Variants in ULK4 observed in about 807,000 individuals in gnomAD.
ULK4 encodes unc-51 like kinase 4.
Under a neutral mutation model 160.6 loss-of-function variants are expected in ULK4, and 133 were observed. That is an observed-to-expected ratio of 0.83 (90% CI 0.72 to 0.96). ULK4 has a LOEUF of 0.96. Ranked by LOEUF, ULK4 falls within the 40% of genes least tolerant of loss-of-function variation. The pLI is 0.00. For synonymous variants in ULK4, 534 were observed against 539.8 expected (o/e 0.99, Z 0.15); for missense variants, 1,580 against 1,499.5 (o/e 1.05, Z -0.89).
chr3:41,690,281 G>T (rs974686316), intron 27 of ULK4, among the ~76,000 whole-genome samples: 2 of 151,380 alleles, frequency 1.3e-5, no homozygotes, highest in Non-Finnish European at 3.0e-5. Flanking sequence ...TCACACTCCG[G>T]GGACTGTTGT....
Position 41,896,824 on chromosome 3 carries a change from G to T in ULK4, c.1528C>A (p.Leu510Met). ...EVATRLLHSP[L>M]FQLLIQHLRI... ...TAAGGCATGTCACACAGGCTTACCAGGGGGGAATGGAGGAGCCTGGTGGCC... is the reference window on the plus strand; with the variant it reads ...TAAGGCATGTCACACAGGCTTACCATGGGGGAATGGAGGAGCCTGGTGGCC... The change falls in exon 15 of 37, where the codon CTG (leucine) becomes ATG (methionine). Residue 510 changes from leucine (L) to methionine (M), a missense_variant and splice_region_variant. Transcript: ENST00000301831. 6.2e-7 allele frequency: 1 copy of T among 1,610,404 alleles called. No homozygotes were observed. Among genetic ancestry groups the T allele is most frequent in the Non-Finnish European group, 8.5e-7 (1 of 1,178,760 alleles).
chr3:41,508,870 A>G (rs1300623353), intron 32 of ULK4, among the ~76,000 whole-genome samples: 2 of 152,134 alleles, frequency 1.3e-5, no homozygotes, highest in Non-Finnish European at 2.9e-5. Flanking sequence ...TACCCGAATG[A>G]GAAGGAACCA....
chr3:41,355,556 T>C (rs906919775), intron 35 of ULK4, among the ~76,000 whole-genome samples: 3 of 152,294 alleles, frequency 2.0e-5, no homozygotes, highest in Middle Eastern at 6.8e-3. Context: ...AAGACTGTTG[T>C]TTGAAAAAAT....
chr3:41,737,924 C>G (rs1157035138), intron 22 of ULK4, among the ~76,000 whole-genome samples: 2 of 151,910 alleles, frequency 1.3e-5, no homozygotes, highest in African/African-American at 4.9e-5. Context: ...TAGCAACTAG[C>G]AGAATCCATA....
intron 35 of ULK4, among the ~76,000 whole-genome samples, chr3:41,333,392 T>C (rs1050790678): frequency 1.3e-5 from 2 of 152,196 alleles, no homozygotes; most frequent in African/African-American, 2.4e-5. Flanking sequence ...ATACTGTAAA[T>C]TGCTGAAAAA....
rs2078649666 is a variant in ULK4 at position 41,246,633 on chromosome 3, A to G, written c.*296T>C. 2 of 336,848 alleles carry G rather than the reference A, an allele frequency of 5.9e-6. No homozygotes were observed. Among genetic ancestry groups the G allele is most frequent in the Admixed American group, 8.3e-5 (2 of 24,028 alleles). 20.9% of individuals were successfully genotyped at this position (336,848 alleles called of 1,614,324 possible). On this transcript the variant is annotated 3_prime_UTR_variant, in exon 37 of 37. Transcript: ENST00000301831. ...CATCCACTGCTTTATTACCACAGGC[A>G]GTGCTAACCTTAGCCCACCTGGCCC...
intron 34 of ULK4, among the ~76,000 whole-genome samples, chr3:41,412,551 GA>G: frequency 1.8e-5 from 2 of 109,644 alleles, no homozygotes; most frequent in Non-Finnish European, 3.8e-5. Context: ...CAATGCAGTT[GA>G]ATTTTTTTTT....
At chr3:41,735,851 C>T (rs1220151523) in intron 22 of ULK4, among the ~76,000 whole-genome samples, 3 of 106,948 alleles carry the variant, frequency 2.8e-5, no homozygotes, top group Admixed American at 1.2e-4. Context: ...CTCCCCCCAC[C>T]CCACAACAGT....
At chr3:41,911,282 T>A in intron 11 of ULK4, 35 bp downstream of exon 11, 1 of 1,602,922 alleles carries the variant, frequency 6.2e-7, no homozygotes, top group Non-Finnish European at 8.5e-7. Flanking sequence ...TTAACTTTTG[T>A]CTTGCACTGA....
Position 41,648,144 on chromosome 3 carries a change from C to G in ULK4, c.3071+15463G>C, listed in dbSNP as rs551364464. On this transcript the variant is annotated intron_variant, in intron 30 of 36. Transcript: ENST00000301831. Reference sequence around the variant, plus strand: ...AGAGGGAACTCCCTGACCCCTTGCGCTTCCCGAGTGAGGCAATGCCTTGCC... The same window carrying G: ...AGAGGGAACTCCCTGACCCCTTGCGGTTCCCGAGTGAGGCAATGCCTTGCC... 2.0e-5 allele frequency among the ~76,000 whole-genome samples: 3 copies of G among 152,346 alleles called. No homozygotes were observed. The East Asian group carries it at 5.8e-4, about 29-fold the overall frequency.
At chr3:41,457,481 G>A (rs2083582100) in intron 33 of ULK4, among the ~76,000 whole-genome samples, 1 of 152,184 alleles carries the variant, frequency 6.6e-6, no homozygotes, top group Admixed American at 6.5e-5. Flanking sequence ...CAACAGAGAG[G>A]TGGCACAAAA....
At chr3:41,605,358 A>G (rs2032326649) in intron 31 of ULK4, among the ~76,000 whole-genome samples, 1 of 152,030 alleles carries the variant, frequency 6.6e-6, no homozygotes, top group Admixed American at 6.6e-5. Flanking sequence ...TCTATCTTCA[A>G]GAAAACAATT....
intron 30 of ULK4, among the ~76,000 whole-genome samples, chr3:41,624,073 TTC>T (rs1392946274): frequency 6.6e-6 from 1 of 152,212 alleles, no homozygotes; most frequent in East Asian, 1.9e-4. Flanking sequence ...CATTTATATT[TTC>T]TCTCTTTCCT....
At chr3:41,638,218 ATTTTC>A (rs1173354392) in intron 30 of ULK4, among the ~76,000 whole-genome samples, 1 of 152,082 alleles carries the variant, frequency 6.6e-6, no homozygotes, top group Non-Finnish European at 1.5e-5. Context: ...TCTTAATGAA[ATTTTC>A]TTTTATTATT....
chr3:41,846,520 T>G (rs1314182430), intron 17 of ULK4, among the ~76,000 whole-genome samples: 1 of 152,048 alleles, frequency 6.6e-6, no homozygotes, highest in African/African-American at 2.4e-5. Flanking sequence ...ATCCTAACAT[T>G]GAGGCCAGGC....
chr3:41,329,314 G>A (rs181851496), intron 35 of ULK4, among the ~76,000 whole-genome samples: 3 of 152,210 alleles, frequency 2.0e-5, no homozygotes, highest in East Asian at 1.9e-4. Context: ...CTCAATCTGG[G>A]GAGCAGTGAC....
At chr3:41,710,389 T>C (rs1266290129) in intron 25 of ULK4, among the ~76,000 whole-genome samples, 2 of 152,230 alleles carry the variant, frequency 1.3e-5, no homozygotes, top group East Asian at 3.9e-4. Flanking sequence ...TGATGTGAAT[T>C]TTAAGAGAGA....
intron 17 of ULK4, among the ~76,000 whole-genome samples, chr3:41,847,635 T>G (rs1240119465): frequency 6.6e-6 from 1 of 152,238 alleles, no homozygotes; most frequent in Admixed American, 6.5e-5. Flanking sequence ...CTTTGCCCTT[T>G]GTTCTAAGTG....
chr3:41,550,636 A>G (rs1411197455), intron 32 of ULK4, among the ~76,000 whole-genome samples: 2 of 152,058 alleles, frequency 1.3e-5, no homozygotes, highest in African/African-American at 4.8e-5. Context: ...ACCCAGGTAT[A>G]TAAAGTATTA....
Sources: gnomAD v4.1 joint callset for allele counts (sites outside exome capture counted in the v4.1 genomes callset) on GRCh38, gnomAD v4.1.1 for gene constraint, MANE v1.5 for transcripts, NCBI Gene and HGNC (gene_info 2026-07-23, HGNC 2026-07-21) for gene names.